The following GALNS variants were observed in gnomAD, a reference collection of about 807,000 sequenced individuals.
GALNS encodes the protein N-acetylgalactosamine-6-sulfatase.
In GALNS, 65 loss-of-function variants were observed where a neutral mutation model predicts 65.9. The ratio of observed to expected loss-of-function variants is 0.99; its 90% CI spans 0.81 to 1.21. The LOEUF is 1.21. GALNS is among the 50% of genes most tolerant of loss of function. GALNS has a pLI of 0.00. For missense variants in GALNS, 776 were observed against 700.7 expected (o/e 1.11, Z -1.21); for synonymous variants, 346 against 288.9 (o/e 1.20, Z -2.00).
At chr16:88,826,563 G>T in intron 10 of GALNS, 139 bp downstream of exon 10, 1 of 1,034,210 alleles carries the variant, frequency 9.7e-7, no homozygotes, top group Non-Finnish European at 1.4e-6. Context: ...AGGCACCCCT[G>T]CCTCCTCCTG....
intron 12 of GALNS, among the ~76,000 whole-genome samples, chr16:88,818,490 AAT>A: frequency 6.6e-6 from 1 of 152,228 alleles, no homozygotes; most frequent in Non-Finnish European, 1.5e-5. Context: ...AACATTTACA[AAT>A]ATGACACACC....
rs867964763 is a variant in GALNS, at chr16:88,856,595, C to T, written c.120+163G>A. On this transcript the variant is annotated intron_variant, in intron 1 of 13. Transcript: ENST00000268695. The stretch of plus-strand genomic sequence containing the variant: ...CGCACGGGGATACCCCCCGTCCCCT[C>T]CCCCTCCTCCTCCCCGCGCGGGGCC... 8.0e-4 allele frequency: 437 copies of T among 548,232 alleles called. 1 individual carries two copies. The highest frequency in any genetic ancestry group is 7.4e-3 in the African/African-American group (373 of 50,694). The allele number at this position is 548,232 out of a possible 1,614,324, so 34.0% of individuals were successfully genotyped here.
intron 12 of GALNS, 98 bp downstream of exon 12, chr16:88,822,491 G>A (rs1401896499): frequency 9.3e-6 from 14 of 1,505,348 alleles, no homozygotes; most frequent in Non-Finnish European, 1.2e-5. Context: ...AGGGGAGGCG[G>A]CGGGCAGGGT....
chr16:88,838,526 C>T (rs1026214277), intron 4 of GALNS: 4 of 152,574 alleles, frequency 2.6e-5, no homozygotes, highest in Non-Finnish European at 4.4e-5. Flanking sequence ...CACTCCCCTT[C>T]TGACAATCCC....
intron 12 of GALNS, among the ~76,000 whole-genome samples, chr16:88,821,585 G>A (rs969936107): frequency 6.6e-6 from 1 of 152,194 alleles, no homozygotes; most frequent in Non-Finnish European, 1.5e-5. Context: ...AGGGGCTGCA[G>A]CCCAGGAGCC....
At chr16:88,851,260 T>C (rs1236444414) in intron 1 of GALNS, among the ~76,000 whole-genome samples, 1 of 152,128 alleles carries the variant, frequency 6.6e-6, no homozygotes, top group African/African-American at 2.4e-5. Context: ...ACGTCTGTTA[T>C]CCCAACACTT....
intron 8 of GALNS, among the ~76,000 whole-genome samples, chr16:88,832,604 C>A (rs1040999173): frequency 6.6e-6 from 1 of 152,146 alleles, no homozygotes; most frequent in Non-Finnish European, 1.5e-5. Context: ...GAAGTGGTCA[C>A]GGGGCAAAGG....
chr16:88,828,384 C>T (rs116578291), intron 9 of GALNS, among the ~76,000 whole-genome samples: 1,554 of 152,296 alleles, frequency 0.01, 22 homozygotes, highest in African/African-American at 0.035. Flanking sequence ...ATGCAGTGGG[C>T]AGCTGCGGCT....
At chr16:88,839,642 C>G (rs1322255858) in intron 4 of GALNS, among the ~76,000 whole-genome samples, 1 of 152,240 alleles carries the variant, frequency 6.6e-6, no homozygotes, top group African/African-American at 2.4e-5. Flanking sequence ...TAGGGACCCC[C>G]CCACCTGACT....
intron 12 of GALNS, among the ~76,000 whole-genome samples, chr16:88,820,942 TG>T (rs1280938702): frequency 2.0e-5 from 3 of 152,042 alleles, no homozygotes; most frequent in African/African-American, 7.2e-5. Flanking sequence ...CGCTTCCAGC[TG>T]GGGGGGCTGT....
At chr16:88,855,195 T>C (rs1695129714) in intron 1 of GALNS, 5 of 684,758 alleles carry the variant, frequency 7.3e-6, no homozygotes, top group Middle Eastern at 2.3e-4. Context: ...GTCTTCAACA[T>C]AAAAAATTAT....
In GALNS at chr16:88,814,295, A is replaced by G. The variant is rs1157099470; in HGVS notation, c.*144T>C. 1.6e-5 allele frequency: 18 copies of G among 1,107,184 alleles called. No homozygotes were observed. The highest frequency in any genetic ancestry group is 2.3e-5 in the Non-Finnish European group (17 of 749,192). 68.6% of individuals were successfully genotyped at this position (1,107,184 alleles called of 1,614,324 possible). A position where few individuals can be genotyped will look rare whatever the true frequency, so the allele number is the denominator to read the frequency against. On this transcript the variant is annotated 3_prime_UTR_variant, in exon 14 of 14. Coordinates refer to ENST00000268695, the MANE Select transcript of GALNS (RefSeq NM_000512.5). ...CCAGGGTCAGGTCCTGGGCAGGTGG[A>G]ATTGTGCAGTCCCCCTGCGTCTGCA...
chr16:88,821,743 G>A (rs1196873271), intron 12 of GALNS, among the ~76,000 whole-genome samples: 4 of 152,178 alleles, frequency 2.6e-5, no homozygotes, highest in African/African-American at 4.8e-5. Context: ...CAGGCCCATC[G>A]GGGAGCATAG....
At chr16:88,831,899 C>G (rs374448991) in intron 9 of GALNS, 99 bp downstream of exon 9, 4 of 990,294 alleles carry the variant, frequency 4.0e-6, no homozygotes, top group Non-Finnish European at 6.2e-6. Context: ...AGGATGAGCA[C>G]GGGGTGCATG....
intron 10 of GALNS, 114 bp from the exon 11 acceptor site, chr16:88,824,983 T>C (rs1910656963): frequency 1.2e-6 from 1 of 807,574 alleles, no homozygotes; most frequent in African/African-American, 1.7e-5. Flanking sequence ...GAGGTCTTGG[T>C]TGATACTTTA....
At chr16:88,851,778 C>G (rs910889582) in intron 1 of GALNS, among the ~76,000 whole-genome samples, 34 of 152,244 alleles carry the variant, frequency 2.2e-4, no homozygotes, top group African/African-American at 8.2e-4. Flanking sequence ...GTCTGAGATC[C>G]ACCTGCGAGG....
At chr16:88,853,387 G>A (rs1292386948) in intron 1 of GALNS, among the ~76,000 whole-genome samples, 2 of 152,176 alleles carry the variant, frequency 1.3e-5, no homozygotes, top group Non-Finnish European at 2.9e-5. Context: ...CATTCCTACT[G>A]GTTGCTATGG....
intron 10 of GALNS, 69 bp from the exon 11 acceptor site, chr16:88,824,938 G>T: frequency 7.9e-7 from 1 of 1,267,250 alleles, no homozygotes. Context: ...GAGGCTCTGG[G>T]CTGCGTCTGT....
intron 7 of GALNS, 151 bp from the exon 8 acceptor site, chr16:88,835,503 T>A: frequency 1.6e-6 from 2 of 1,253,572 alleles, no homozygotes; most frequent in Non-Finnish European, 2.3e-6. Flanking sequence ...AGAAGAGGAA[T>A]GGCCTCAGTT....
Sources: gnomAD v4.1 joint callset for allele counts (sites outside exome capture counted in the v4.1 genomes callset) on GRCh38, gnomAD v4.1.1 for gene constraint, MANE v1.5 for transcripts, NCBI Gene and HGNC (gene_info 2026-07-23, HGNC 2026-07-21) for gene names.